MYO10: variants seen among roughly 807,000 people sequenced by gnomAD.
MYO10 encodes the protein myosin X.
A neutral mutation model predicts 257.3 loss-of-function variants in MYO10; 133 were observed. The ratio of observed to expected loss-of-function variants is 0.52; its 90% CI spans 0.45 to 0.60. MYO10 has a LOEUF of 0.60. Ranked by LOEUF, MYO10 falls within the 20% of genes least tolerant of loss-of-function variation. The pLI is 0.00. For missense variants in MYO10, 2,399 were observed against 2,635.7 expected (o/e 0.91, Z 1.97); for synonymous variants, 1,104 against 1,028.6 (o/e 1.07, Z -1.40).
intron 2 of MYO10, among the ~76,000 whole-genome samples, chr5:16,824,148 T>C (rs181068032): frequency 6.6e-6 from 1 of 152,210 alleles, no homozygotes; most frequent in African/African-American, 2.4e-5. Context: ...GAGCCCCCAG[T>C]CTTAAAACCT....
Position 16,835,266 on chromosome 5 carries a change from TGGC to T in MYO10, c.121-17102_121-17100del, listed in dbSNP as rs936689165. Among the ~76,000 whole-genome samples, 12 of 152,122 alleles carry T rather than the reference TGGC, an allele frequency of 7.9e-5. No individual in the cohort carries two copies. The South Asian group carries it at 1.5e-3, about 18-fold the overall frequency. On this transcript the variant is annotated intron_variant, in intron 2 of 40. Coordinates refer to ENST00000513610, the MANE Select transcript of MYO10 (RefSeq NM_012334.3). ...AAAACAGAATCAGGGCCTGGCGTGGTGGCTCATGCCTGTAATCCCAGCACTTTG... is the reference window on the plus strand; with the variant it reads ...AAAACAGAATCAGGGCCTGGCGTGGTTCATGCCTGTAATCCCAGCACTTTG...
chr5:16,666,559 C>T lies in MYO10; in HGVS notation c.*133G>A, dbSNP rs1254928609. 6 of 682,084 alleles carry T rather than the reference C, an allele frequency of 8.8e-6. No homozygotes were observed. The highest frequency in any genetic ancestry group is 2.8e-5 in the East Asian group (1 of 35,618). 42.3% of individuals were successfully genotyped at this position (682,084 alleles called of 1,614,324 possible). A position where few individuals can be genotyped will look rare whatever the true frequency, so the allele number is the denominator to read the frequency against. ...GGCAAAAGGATCCTCGGAGACACCT[C>T]CCTCAGACCAGAAGCTTCCAGAAAG... On this transcript the variant is annotated 3_prime_UTR_variant, in exon 41 of 41. Transcript: ENST00000513610.
intron 39 of MYO10, among the ~76,000 whole-genome samples, chr5:16,668,891 G>T (rs575164245): frequency 1.3e-5 from 2 of 152,152 alleles, no homozygotes; most frequent in Non-Finnish European, 2.9e-5. Flanking sequence ...CGGATGGTTA[G>T]TCTTCAAATA....
At position 16,701,191 on chromosome 5, in the gene MYO10, G is replaced by A. The variant is rs778238252; in HGVS notation, c.3204C>T (p.Ser1068=). 113 of 1,609,164 alleles carry A rather than the reference G, an allele frequency of 7.0e-5. No individual in the cohort carries two copies. The East Asian group carries it at 1.3e-3, about 18-fold the overall frequency. Residue 1068 remains serine, a synonymous_variant, in exon 25 of 41, where the codon AGC becomes AGT. Transcript: ENST00000513610. The surrounding 1 kb of genome is among the most constrained non-coding windows in gnomAD (Gnocchi z 8.1). ...GGGGCATGCAGTAGGTGGACTCGCC[G>A]CTGGAGGAGTTGTGTAGGCTCCCGG... ...QDSGSLHNSS[S]GESTYCMPQN...
chr5:16,891,058 G>A (rs1010966645), intron 1 of MYO10, among the ~76,000 whole-genome samples: 3 of 151,596 alleles, frequency 2.0e-5, no homozygotes. Context: ...CGATACAGGC[G>A]GATCACATGA....
chr5:16,685,275 A>C (rs2126507980), intron 29 of MYO10, among the ~76,000 whole-genome samples: 1 of 152,226 alleles, frequency 6.6e-6, no homozygotes, highest in African/African-American at 2.4e-5. Context: ...CAGTGGCGCA[A>C]TCATAGCTCA....
chr5:16,676,571 C>T (rs1736732416), intron 33 of MYO10, among the ~76,000 whole-genome samples: 1 of 152,010 alleles, frequency 6.6e-6, no homozygotes, highest in South Asian at 2.1e-4. Context: ...GAAAATTAGC[C>T]GGGTGTGGTG....
At chr5:16,797,481 A>G (rs188534641) in intron 3 of MYO10, among the ~76,000 whole-genome samples, 1 of 152,360 alleles carries the variant, frequency 6.6e-6, no homozygotes, top group Non-Finnish European at 1.5e-5. Context: ...TCCTAGATAC[A>G]TATCAAAAAG....
At chr5:16,788,182 C>CG (rs1741647017) in intron 4 of MYO10, among the ~76,000 whole-genome samples, 1 of 151,892 alleles carries the variant, frequency 6.6e-6, no homozygotes, top group South Asian at 2.1e-4. Flanking sequence ...GGAAGGGCCG[C>CG]GGGGGCAGCA....
intron 2 of MYO10, among the ~76,000 whole-genome samples, chr5:16,859,832 C>G (rs1744059807): frequency 6.6e-6 from 1 of 152,196 alleles, no homozygotes; most frequent in African/African-American, 2.4e-5. Flanking sequence ...CACCCACCCC[C>G]AGAGCTGTTC....
At position 16,668,305 on chromosome 5, in the gene MYO10, T is replaced by C. The variant is rs768346544; in HGVS notation, c.6047A>G (p.Glu2016Gly). The change falls in exon 40 of 41, where the codon GAG (glutamate) becomes GGG (glycine). Residue 2016 changes from glutamate (E) to glycine (G), a missense_variant. By Grantham distance (98) the Glu-to-Gly change is moderately conservative (BLOSUM62 -2). This residue lies in a region of MYO10 where 1,820 missense variants were observed against 1,939.4 expected (regional missense o/e 0.94). Transcript: ENST00000513610. ...LANTYKIVVD[E>G]RELLFETSEV... Reference sequence around the variant, plus strand: ...ACTGGTTTCAAAGAGCAGCTCCCTCTCATCGACCACGATCTTATACGTATT... The same window carrying C: ...ACTGGTTTCAAAGAGCAGCTCCCTCCCATCGACCACGATCTTATACGTATT... The C allele has an allele frequency of 3.1e-6, 5 of 1,613,220 alleles. No homozygotes were observed. The highest frequency in any genetic ancestry group is 1.3e-5 in the African/African-American group (1 of 74,902).
intron 2 of MYO10, among the ~76,000 whole-genome samples, chr5:16,858,102 A>T (rs1411291057): frequency 6.6e-6 from 1 of 152,238 alleles, no homozygotes; most frequent in East Asian, 1.9e-4. Context: ...AGGCCTTTCC[A>T]CAAGACGCTA....
At chr5:16,725,747 C>CAT (rs1412923857) in intron 19 of MYO10, among the ~76,000 whole-genome samples, 4 of 150,794 alleles carry the variant, frequency 2.7e-5, no homozygotes, top group African/African-American at 7.3e-5. Context: ...TGAGTCATAT[C>CAT]ATACAGCAAT....
intron 4 of MYO10, among the ~76,000 whole-genome samples, chr5:16,791,389 A>G (rs572348923): frequency 6.6e-6 from 1 of 151,484 alleles, no homozygotes; most frequent in East Asian, 1.9e-4. Context: ...ATCTATTCTT[A>G]AAGTCTCTGT....
intron 2 of MYO10, among the ~76,000 whole-genome samples, chr5:16,820,634 T>C (rs559009515): frequency 4.9e-4 from 75 of 152,304 alleles, no homozygotes; most frequent in Non-Finnish European, 7.8e-4. Flanking sequence ...CAAGTCCTTC[T>C]CAACGTGAAA....
chr5:16,674,872 G>C lies in MYO10; in HGVS notation c.4945C>G (p.Leu1649Val). 6.2e-7 allele frequency: 1 copy of C among 1,613,926 alleles called. No individual in the cohort carries two copies. The highest frequency in any genetic ancestry group is 8.5e-7 in the Non-Finnish European group (1 of 1,179,884). ...CTTTACCTTTTCAGATGGAACTTGAGATACTTGAGAATCCCTCGACTCGGC... is the reference window on the plus strand; with the variant it reads ...CTTTACCTTTTCAGATGGAACTTGACATACTTGAGAATCCCTCGACTCGGC... ...FLPSRGILKYLKFHLKRIREQ... is the reference protein window; with the variant it reads ...FLPSRGILKYVKFHLKRIREQ... The change falls in exon 35 of 41, where the codon CTC (leucine) becomes GTC (valine). Residue 1649 changes from leucine to valine, a missense_variant. Transcript: ENST00000513610.
intron 19 of MYO10, among the ~76,000 whole-genome samples, chr5:16,726,228 A>G (rs1739363056): frequency 6.6e-6 from 1 of 152,202 alleles, no homozygotes; most frequent in South Asian, 2.1e-4. Flanking sequence ...ACGATCATCA[A>G]GTCAGCATGG....
intron 2 of MYO10, 30 bp downstream of exon 2, chr5:16,877,579 T>A (rs1744641325): frequency 1.3e-6 from 2 of 1,556,248 alleles, no homozygotes; most frequent in African/African-American, 1.4e-5. Context: ...AGACCATGGA[T>A]GTTGGGAAGC....
At chr5:16,762,824 C>T (rs1008794019) in intron 14 of MYO10, among the ~76,000 whole-genome samples, 187 bp from the exon 15 acceptor site, 1 of 151,824 alleles carries the variant, frequency 6.6e-6, no homozygotes, top group Non-Finnish European at 1.5e-5. Flanking sequence ...ATTAACTGGG[C>T]GTGGTGGCAT....
Sources: allele counts gnomAD v4.1 joint callset (sites outside exome capture counted in the v4.1 genomes callset), GRCh38; gene constraint gnomAD v4.1.1; regional missense constraint gnomAD v4.1.1; non-coding constraint Gnocchi (gnomAD v3.1); transcripts MANE v1.5; gene names NCBI Gene and HGNC (gene_info 2026-07-23, HGNC 2026-07-21).